The following MSH6 variants were observed in gnomAD, a reference collection of about 807,000 sequenced individuals.
MSH6 encodes the protein mutS homolog 6.
Under a neutral mutation model 119.1 loss-of-function variants are expected in MSH6, and 85 were observed. That is an observed-to-expected ratio of 0.71 (90% confidence interval 0.60 to 0.85). The LOEUF (loss-of-function observed/expected upper bound fraction) is 0.85, where lower values mean the gene tolerates loss of function less well. Ranked by LOEUF, MSH6 falls within the 40% of genes least tolerant of loss-of-function variation. The pLI, the probability that MSH6 is intolerant of heterozygous loss-of-function variation, is 0.00. For synonymous variants in MSH6, 830 were observed against 586.9 expected (o/e 1.41, Z -5.99); for missense variants, 2,163 against 1,655.3 (o/e 1.31, Z -5.32).
In MSH6 at chr2:47,805,717, T is replaced by A. The variant is rs1057520325; in HGVS notation, c.3646+10T>A. Reference sequence around the variant, plus strand: ...CTTGTGGATGAATTAGGTAAGACATTAAACTTCTCATTTGAAGACTATCTA... The same window carrying A: ...CTTGTGGATGAATTAGGTAAGACATAAAACTTCTCATTTGAAGACTATCTA... On this transcript the variant is annotated intron_variant, in intron 7 of 9. Transcript: ENST00000234420. 6.4e-7 allele frequency: 1 copy of A among 1,561,490 alleles called. No individual in the cohort carries two copies.
rs113594807 is a variant in MSH6 at position 47,792,697 on chromosome 2, C to T, written c.457+1574C>T. Among the ~76,000 whole-genome samples the T allele has an allele frequency of 2.2e-4, 33 of 152,140 alleles. 1 individual carries two copies. The highest frequency in any genetic ancestry group is 7.9e-4 in the African/African-American group (33 of 41,512). ...TTTTCTTTTCAAGAGATGGGGGTCT[C>T]ACTCTGTCACCCAGCCTGGAGTATA... is the stretch of plus-strand genomic sequence containing the variant. On this transcript the variant is annotated intron_variant, in intron 2 of 9. Coordinates refer to ENST00000234420, the MANE Select transcript of MSH6 (RefSeq NM_000179.3).
intron 6 of MSH6, 75 bp from the exon 7 acceptor site, chr2:47,805,543 A>C (rs541136413): frequency 1.0e-6 from 1 of 981,478 alleles, no homozygotes; most frequent in Non-Finnish European, 1.7e-6. Context: ...CATGATAGCT[A>C]TATAACCTAG....
rs863224616 is a variant in MSH6 at position 47,783,369 on chromosome 2, G to A, written c.136G>A (p.Gly46Arg). 6.2e-6 allele frequency: 10 copies of A among 1,602,096 alleles called. No homozygotes were observed. Among genetic ancestry groups the A allele is most frequent in the Non-Finnish European group, 7.7e-6 (9 of 1,174,596 alleles). Residue 46 changes from glycine to arginine, a missense_variant, in exon 1 of 10, where the codon GGG becomes AGG. Coordinates refer to ENST00000234420, the MANE Select transcript of MSH6 (RefSeq NM_000179.3). ...AAPGASPSPGGDAAWSEAGPG... is the reference protein window; with the variant it reads ...AAPGASPSPGRDAAWSEAGPG... ...CCCCGGGGCCTCTCCTTCCCCAGGC[G>A]GGGATGCGGCCTGGAGCGAGGCTGG...
At position 47,801,031 on chromosome 2, in the gene MSH6, T is replaced by C. The variant is rs1553414427; in HGVS notation, c.3048T>C (p.Ala1016=). The C allele has an allele frequency of 6.3e-7, 1 of 1,584,120 alleles. No individual in the cohort carries two copies. The highest frequency in any genetic ancestry group is 8.6e-7 in the Non-Finnish European group (1 of 1,165,670). The change falls in exon 4 of 10, where the codon GCT becomes GCC. Residue 1016 remains alanine, a synonymous_variant. Transcript: ENST00000234420. ...YWTKTIEKKL[A]NLINAEERRD... ...CCAAAACTATTGAAAAGAAGTTGGC[T>C]AATCTCATAAATGCTGAAGAACGGA... is the stretch of plus-strand genomic sequence containing the variant.
intron 1 of MSH6, chr2:47,784,139 G>C: frequency 9.9e-7 from 1 of 1,005,046 alleles, no homozygotes; most frequent in Non-Finnish European, 1.2e-6. Flanking sequence ...GCCACGAGCT[G>C]CGAGCGCGGG....
At chr2:47,808,750 T>C, downstream of MSH6, 1 of 303,604 alleles carries the variant, frequency 3.3e-6, no homozygotes, top group Non-Finnish European at 6.1e-6. Context: ...CTGGGATATA[T>C]CAAACACTTA....
intron 1 of MSH6, among the ~76,000 whole-genome samples, chr2:47,789,020 G>A: frequency 7.1e-6 from 1 of 141,462 alleles, no homozygotes; most frequent in Non-Finnish European, 1.5e-5. Flanking sequence ...CTGCTGCCCG[G>A]GTTCAAGTGA....
At chr2:47,806,990 T>TTTAATTC (rs1182907498), downstream of MSH6, 1 of 745,198 alleles carries the variant, frequency 1.3e-6, no homozygotes, top group Non-Finnish European at 2.3e-6. Flanking sequence ...ATTAAACCCT[T>TTTAATTC]TTAATTCTTA....
In MSH6 at chr2:47,798,603, C is replaced by G. The variant is rs767991179; in HGVS notation, c.628-8C>G. 4 of 1,608,252 alleles carry G rather than the reference C, an allele frequency of 2.5e-6. No individual in the cohort carries two copies. Among genetic ancestry groups the G allele is most frequent in the Non-Finnish European group, 3.4e-6 (4 of 1,179,812 alleles). Reference sequence around the variant, plus strand: ...TTTGTTTTTAAATACTCTTTCCTTGCCTGGCAGGTAGGCACAACTTACGTA... The same window carrying G: ...TTTGTTTTTAAATACTCTTTCCTTGGCTGGCAGGTAGGCACAACTTACGTA... On this transcript the variant is annotated splice_region_variant and splice_polypyrimidine_tract_variant and intron_variant, in intron 3 of 9. Coordinates refer to ENST00000234420, the MANE Select transcript of MSH6 (RefSeq NM_000179.3).
intron 1 of MSH6, chr2:47,783,768 C>CG: frequency 5.0e-6 from 2 of 401,826 alleles, no homozygotes; most frequent in Non-Finnish European, 7.4e-6. Context: ...GGAGGAGACG[C>CG]GTCCCGCCAG....
At chr2:47,801,276 T>C in intron 4 of MSH6, 121 bp downstream of exon 4, 4 of 1,063,930 alleles carry the variant, frequency 3.8e-6, no homozygotes, top group Non-Finnish European at 5.6e-6. Context: ...TGCATATACA[T>C]ATTTGCATCC....
chr2:47,786,874 G>C (rs536269455), intron 1 of MSH6, among the ~76,000 whole-genome samples: 1 of 152,066 alleles, frequency 6.6e-6, no homozygotes, highest in Non-Finnish European at 1.5e-5. Context: ...GCTCTCAAGC[G>C]ATCCTCCCAC....
intron 2 of MSH6, among the ~76,000 whole-genome samples, chr2:47,791,389 A>G (rs1340778490): frequency 6.6e-6 from 1 of 152,130 alleles, no homozygotes; most frequent in East Asian, 1.9e-4. Flanking sequence ...AGGGTAAACT[A>G]AACTGTCCCC....
intron 4 of MSH6, among the ~76,000 whole-genome samples, chr2:47,802,639 T>G (rs1669670372): frequency 6.7e-6 from 1 of 150,158 alleles, no homozygotes; most frequent in Non-Finnish European, 1.5e-5. Context: ...AGCCCTGTTT[T>G]TTTTTTTTTT....
rs587781817 is a variant in MSH6 at position 47,795,971 on chromosome 2, G to T, written c.535G>T (p.Ala179Ser). ...KPEILRAMQR[A>S]DEALNKDKIK... is the part of the protein sequence containing the mutation. ...TGAAATACTGAGAGCAATGCAACGT[G>T]CAGATGAAGCCTTAAATAAAGACAA... Residue 179 changes from alanine (A) to serine (S), a missense_variant, in exon 3 of 10, where the codon GCA becomes TCA. By Grantham distance (99) the Ala-to-Ser change is moderately conservative. Coordinates refer to ENST00000234420, the MANE Select transcript of MSH6 (RefSeq NM_000179.3). The T allele has an allele frequency of 6.2e-7, 1 of 1,614,148 alleles. No homozygotes were observed. The highest frequency in any genetic ancestry group is 8.5e-7 in the Non-Finnish European group (1 of 1,180,006).
At chr2:47,797,959 C>T in intron 3 of MSH6, 1 of 204,616 alleles carries the variant, frequency 4.9e-6, no homozygotes, top group Non-Finnish European at 1.0e-5. Context: ...GTCTTTTAGC[C>T]AGAGTCGACT....
chr2:47,794,690 A>G (rs188805035), intron 2 of MSH6, among the ~76,000 whole-genome samples: 1 of 152,252 alleles, frequency 6.6e-6, no homozygotes, highest in Non-Finnish European at 1.5e-5. Context: ...TTGGTTGGTT[A>G]TTCTTTTATT....
At chr2:47,792,892 T>C (rs1242926745) in intron 2 of MSH6, among the ~76,000 whole-genome samples, 4 of 150,484 alleles carry the variant, frequency 2.7e-5, no homozygotes, top group African/African-American at 9.8e-5. Flanking sequence ...GGTCTTGCTA[T>C]GTTGCCCCCA....
intron 6 of MSH6, among the ~76,000 whole-genome samples, chr2:47,805,305 G>A (rs759790965): frequency 5.9e-5 from 9 of 151,638 alleles, no homozygotes; most frequent in South Asian, 4.1e-4. Context: ...TCAGCCTCTC[G>A]AGTAGCTGGG....
Sources: allele counts gnomAD v4.1 joint callset (sites outside exome capture counted in the v4.1 genomes callset), GRCh38; gene constraint gnomAD v4.1.1; transcripts MANE v1.5; gene names NCBI Gene and HGNC (gene_info 2026-07-23, HGNC 2026-07-21).